The following ARL15 variants were observed in gnomAD, a reference collection of about 807,000 sequenced individuals.
ARL15 encodes the protein ARF like GTPase 15.
In ARL15, 19 loss-of-function variants were observed where a neutral mutation model predicts 25.2. The ratio of observed to expected loss-of-function variants is 0.75; its 90% CI spans 0.53 to 1.10. The LOEUF (loss-of-function observed/expected upper bound fraction) is 1.10, where lower values mean the gene tolerates loss of function less well. Ranked by LOEUF, ARL15 falls within the 50% of genes least tolerant of loss-of-function variation. The pLI, the probability that ARL15 is intolerant of heterozygous loss-of-function variation, is 0.00. For synonymous variants in ARL15, 94 were observed against 86.8 expected, an observed-to-expected ratio of 1.08 and a Z score of -0.46; for missense variants, 220 against 246.0, an observed-to-expected ratio of 0.89 and a Z score of 0.71.
intron 4 of ARL15, among the ~76,000 whole-genome samples, chr5:54,080,547 G>A (rs973648340): frequency 6.6e-6 from 1 of 152,042 alleles, no homozygotes; most frequent in Non-Finnish European, 1.5e-5. Flanking sequence ...GAAGAAAAAG[G>A]CCTAACGTTT....
At chr5:54,166,742 T>C (rs1188093657) in intron 2 of ARL15, among the ~76,000 whole-genome samples, 1 of 152,130 alleles carries the variant, frequency 6.6e-6, no homozygotes, top group East Asian at 1.9e-4. Flanking sequence ...AATACAGTGA[T>C]AATAACAGTT....
chr5:54,034,493 C>T (rs1372056482), intron 4 of ARL15, among the ~76,000 whole-genome samples: 2 of 152,152 alleles, frequency 1.3e-5, no homozygotes, highest in South Asian at 2.1e-4. Context: ...CATTCAAATG[C>T]TATTTGTTAA....
intron 4 of ARL15, among the ~76,000 whole-genome samples, chr5:54,031,014 C>A (rs1749964458): frequency 6.6e-6 from 1 of 152,086 alleles, no homozygotes. Flanking sequence ...TTAGAGTCTG[C>A]TTATTTCTAT....
intron 1 of ARL15, among the ~76,000 whole-genome samples, chr5:54,243,840 G>A (rs1404699062): frequency 2.0e-5 from 3 of 152,156 alleles, no homozygotes; most frequent in African/African-American, 7.2e-5. Flanking sequence ...AGACATTTAA[G>A]ATCTAGAGAT....
chr5:54,121,637 T>G (rs1753078915), intron 3 of ARL15, among the ~76,000 whole-genome samples: 1 of 152,098 alleles, frequency 6.6e-6, no homozygotes, highest in African/African-American at 2.4e-5. Flanking sequence ...CAATTTTCCT[T>G]GAAAACAAAG....
intron 4 of ARL15, among the ~76,000 whole-genome samples, chr5:53,925,242 G>A (rs376101846): frequency 5.3e-5 from 8 of 150,354 alleles, no homozygotes; most frequent in East Asian, 2.0e-4. Flanking sequence ...TGTCACCGAC[G>A]CTGGAGTGCA....
chr5:54,206,489 T>A (rs1209720757), intron 1 of ARL15, among the ~76,000 whole-genome samples: 1 of 152,178 alleles, frequency 6.6e-6, no homozygotes, highest in Admixed American at 6.5e-5. Context: ...TTTACCAGAT[T>A]GTATACCGTT....
intron 4 of ARL15, chr5:54,067,291 A>T (rs1176349487): frequency 6.6e-6 from 1 of 152,294 alleles, no homozygotes; most frequent in Non-Finnish European, 1.5e-5. Context: ...TATCTGCATC[A>T]TTATGATAAA....
At chr5:54,012,891 T>A (rs1322672005) in intron 4 of ARL15, among the ~76,000 whole-genome samples, 1 of 143,282 alleles carries the variant, frequency 7.0e-6, no homozygotes, top group African/African-American at 2.6e-5. Context: ...CAATCTCGGC[T>A]CACTCACAAG....
At chr5:54,265,793 A>G (rs1757608694) in intron 1 of ARL15, among the ~76,000 whole-genome samples, 1 of 152,220 alleles carries the variant, frequency 6.6e-6, no homozygotes, top group Admixed American at 6.5e-5. Context: ...AAGCCCCTTA[A>G]CACATTTTAT....
intron 4 of ARL15, among the ~76,000 whole-genome samples, chr5:54,073,864 T>A (rs1043321823): frequency 2.0e-5 from 3 of 152,166 alleles, no homozygotes; most frequent in African/African-American, 7.2e-5. Context: ...AGCACAAAAC[T>A]CCTCTTGACT....
chr5:54,117,998 C>T (rs1384252068), intron 3 of ARL15, among the ~76,000 whole-genome samples: 2 of 152,156 alleles, frequency 1.3e-5, no homozygotes, highest in Non-Finnish European at 2.9e-5. Flanking sequence ...AAGCTCTACA[C>T]TACTCAGTGA....
chr5:54,265,885 A>G (rs1757611319), intron 1 of ARL15, among the ~76,000 whole-genome samples: 1 of 152,224 alleles, frequency 6.6e-6, no homozygotes. Context: ...ATCAGGTTCC[A>G]TATTAAGCCT....
At chr5:54,102,019 GT>G (rs11437215) in intron 4 of ARL15, among the ~76,000 whole-genome samples, 4 of 146,628 alleles carry the variant, frequency 2.7e-5, no homozygotes, top group Admixed American at 1.4e-4. Context: ...TTTTTGTTTT[GT>G]TTTTTTTTTT....
chr5:53,932,383 G>T (rs973744879), intron 4 of ARL15, among the ~76,000 whole-genome samples: 4 of 152,168 alleles, frequency 2.6e-5, no homozygotes, highest in Middle Eastern at 3.2e-3. Flanking sequence ...CCCTAGCCCT[G>T]CCAACAGCTC....
At chr5:54,170,097 T>A (rs768765743) in intron 2 of ARL15, among the ~76,000 whole-genome samples, 1 of 152,148 alleles carries the variant, frequency 6.6e-6, no homozygotes, top group Non-Finnish European at 1.5e-5. Context: ...TTGTAGGAAA[T>A]CCTAGTTAAT....
intron 4 of ARL15, among the ~76,000 whole-genome samples, chr5:53,909,798 T>C (rs1316710552): frequency 6.6e-6 from 1 of 152,180 alleles, no homozygotes; most frequent in African/African-American, 2.4e-5. Flanking sequence ...AACTACACTG[T>C]ATGCAGAGAC....
At position 54,154,612 on chromosome 5, in the gene ARL15, T is replaced by C. The variant is rs1391943949; in HGVS notation, c.221A>G (p.Gln74Arg). 2 of 1,530,112 alleles carry C rather than the reference T, an allele frequency of 1.3e-6. 1 individual carries two copies. The highest frequency in any genetic ancestry group is 2.5e-5 in the South Asian group (2 of 78,822). The allele number at this position is 1,530,112 out of a possible 1,614,324, so 94.8% of individuals were successfully genotyped here. A position where few individuals can be genotyped will look rare whatever the true frequency, so the allele number is the denominator to read the frequency against. The change falls in exon 3 of 5, where the codon CAG becomes CGG. Residue 74 changes from glutamine (Q) to arginine (R), a missense_variant. Gln to Arg is a conservative substitution (Grantham distance 43). Transcript: ENST00000504924. ...TTCTTTTACATTCAAGATGGCATTC[T>C]GGAATGGCACTGCTTTAATACTAAA... Reference protein sequence around the residue: ...TGFSIKAVPFQNAILNVKELG... With the variant: ...TGFSIKAVPFRNAILNVKELG...
At position 53,942,745 on chromosome 5, in the gene ARL15, C is replaced by CAAACA. The variant is rs536449285; in HGVS notation, c.463-56037_463-56033dup. 3.7e-4 allele frequency among the ~76,000 whole-genome samples: 56 copies of CAAACA among 152,140 alleles called. 1 individual carries two copies. The highest frequency in any genetic ancestry group is 9.6e-4 in the African/African-American group (40 of 41,512). ...TGGGTGACAGAGCGAGACTCCATCTCAAACAAAACAAAACAAAACAAAACA... is the reference window on the plus strand; with the variant it reads ...TGGGTGACAGAGCGAGACTCCATCTCAAACAAAACAAAACAAAACAAAACAAAACA... On this transcript the variant is annotated intron_variant, in intron 4 of 4. Coordinates refer to ENST00000504924, the MANE Select transcript of ARL15 (RefSeq NM_019087.3).
Sources: allele counts gnomAD v4.1 joint callset (sites outside exome capture counted in the v4.1 genomes callset), GRCh38; gene constraint gnomAD v4.1.1; transcripts MANE v1.5; gene names NCBI Gene and HGNC (gene_info 2026-07-23, HGNC 2026-07-21).